EPS8: variants seen among roughly 807,000 people sequenced by gnomAD.
EPS8 encodes EGFR pathway substrate 8, signaling adaptor, also known as epidermal growth factor receptor kinase substrate 8.
Under a neutral mutation model 103.8 loss-of-function variants are expected in EPS8, and 42 were observed. The ratio of observed to expected loss-of-function variants is 0.40; its 90% CI spans 0.32 to 0.52. The LOEUF (loss-of-function observed/expected upper bound fraction) is 0.52, where lower values mean the gene tolerates loss of function less well. Among genes scored for constraint, EPS8 ranks in the 20% least tolerant of loss-of-function variants. The pLI is 0.40. For synonymous variants in EPS8, 344 were observed against 344.6 expected (o/e 1.00, Z 0.02); for missense variants, 969 against 1,005.1 (o/e 0.96, Z 0.49).
chr12:15,636,044 G>A (rs1945128541), intron 17 of EPS8, among the ~76,000 whole-genome samples: 1 of 152,154 alleles, frequency 6.6e-6, no homozygotes, highest in South Asian at 2.1e-4. Context: ...GGAGGAGGTG[G>A]TTTCTGCTCT....
intron 1 of EPS8, among the ~76,000 whole-genome samples, chr12:15,732,397 C>G (rs1463919213): frequency 6.6e-6 from 1 of 152,174 alleles, no homozygotes; most frequent in Non-Finnish European, 1.5e-5. Context: ...TTACATTATT[C>G]TGTGAACTTC....
At chr12:15,682,062 T>C (rs1415353958) in intron 2 of EPS8, among the ~76,000 whole-genome samples, 1 of 152,114 alleles carries the variant, frequency 6.6e-6, no homozygotes, top group Non-Finnish European at 1.5e-5. Flanking sequence ...AAGAAAACTT[T>C]ACTACCGCAT....
chr12:15,669,379 T>A lies in EPS8; in HGVS notation c.516+8A>T, dbSNP rs2135846839. ...AAAGAAGAAACAAAAATTTCACCATTCTTTTACCTTAACCTCATCACACTG... is the reference window on the plus strand; with the variant it reads ...AAAGAAGAAACAAAAATTTCACCATACTTTTACCTTAACCTCATCACACTG... On this transcript the variant is annotated splice_region_variant and intron_variant, in intron 6 of 20. Transcript: ENST00000281172. The A allele has an allele frequency of 6.3e-7, 1 of 1,590,390 alleles. No individual in the cohort carries two copies. Among genetic ancestry groups the A allele is most frequent in the East Asian group, 2.2e-5 (1 of 44,656 alleles).
Position 15,640,720 on chromosome 12 carries a change from A to C in EPS8, c.1804T>G (p.Tyr602Asp). ...ATGCTCACCTGTATAGTATGAGTAT[A>C]AGGTGGATCAGCACGCCCCAATCCA... ...ESGLGRADPP[Y>D]THTIQKQRME... The change falls in exon 17 of 21, where the codon TAT (tyrosine) becomes GAT (aspartate). Residue 602 changes from tyrosine to aspartate, a missense_variant. Coordinates refer to ENST00000281172, the MANE Select transcript of EPS8 (RefSeq NM_004447.6). 1 of 1,613,922 alleles carries C rather than the reference A, an allele frequency of 6.2e-7. No individual in the cohort carries two copies. Among genetic ancestry groups the C allele is most frequent in the South Asian group, 1.1e-5 (1 of 91,076 alleles).
Position 15,702,961 on chromosome 12 carries a change from C to T in EPS8, c.-21-19989G>A, listed in dbSNP as rs1946330506. Among the ~76,000 whole-genome samples the T allele has an allele frequency of 1.3e-5, 2 of 152,024 alleles. No individual in the cohort carries two copies. The highest frequency in any genetic ancestry group is 2.9e-5 in the Non-Finnish European group (2 of 67,994). ...GTCAGGAGATTGAGACCATCCTGGC[C>T]AACATAGTGAAACCCCATCTCCACT... On this transcript the variant is annotated intron_variant, in intron 1 of 20. Transcript: ENST00000281172. This position sits in a 1 kb window ranked among gnomAD's most constrained non-coding sequence, Gnocchi z 5.1.
chr12:15,712,506 A>C (rs1440942903), intron 1 of EPS8, among the ~76,000 whole-genome samples: 2 of 152,220 alleles, frequency 1.3e-5, no homozygotes, highest in African/African-American at 4.8e-5. Flanking sequence ...TATTATGCCC[A>C]TGGATTCCCA....
rs1947213556 is a variant in EPS8 at position 15,777,060 on chromosome 12, G to A, written c.-22+12101C>T. Among the ~76,000 whole-genome samples, 1 of 152,080 alleles carries A rather than the reference G, an allele frequency of 6.6e-6. No individual in the cohort carries two copies. The highest frequency in any genetic ancestry group is 2.1e-4 in the South Asian group (1 of 4,828). The stretch of plus-strand genomic sequence containing the variant: ...TATTCTACTAACTGCCTGGCAGAGA[G>A]AAAAGATGAAAATAGCTAGAGATAA... On this transcript the variant is annotated intron_variant, in intron 1 of 20. Coordinates refer to ENST00000281172, the MANE Select transcript of EPS8 (RefSeq NM_004447.6). This position sits in a 1 kb window ranked among gnomAD's most constrained non-coding sequence, Gnocchi z 4.7.
intron 1 of EPS8, among the ~76,000 whole-genome samples, chr12:15,756,611 T>C (rs1406926512): frequency 6.6e-6 from 1 of 152,174 alleles, no homozygotes; most frequent in Non-Finnish European, 1.5e-5. Flanking sequence ...GGACAATATA[T>C]TAGATACTAG....
intron 18 of EPS8, among the ~76,000 whole-genome samples, chr12:15,629,795 A>G (rs1945011929): frequency 6.6e-6 from 1 of 152,194 alleles, no homozygotes; most frequent in Non-Finnish European, 1.5e-5. Flanking sequence ...AGAATTGTTA[A>G]ATAGTAATAG....
In EPS8 at chr12:15,757,164, G is replaced by C. The variant is rs12228695; in HGVS notation, c.-22+31997C>G. Among the ~76,000 whole-genome samples the C allele has an allele frequency of 2.8e-3, 433 of 152,188 alleles. 5 individuals are homozygous for C. In the East Asian group the frequency reaches 0.031, roughly 11 times the overall value. ...TATTTATTAAATCAAGCTACAAAAT[G>C]GAGAGACTGAATAAAATGATTTCTA... is the stretch of plus-strand genomic sequence containing the variant. On this transcript the variant is annotated intron_variant, in intron 1 of 20. Transcript: ENST00000281172. This position sits in a 1 kb window ranked among gnomAD's most constrained non-coding sequence, Gnocchi z 4.1.
intron 8 of EPS8, 174 bp from the exon 9 acceptor site, chr12:15,662,273 C>A: frequency 8.4e-6 from 12 of 1,429,900 alleles, no homozygotes; most frequent in Non-Finnish European, 1.1e-5. Flanking sequence ...CTTGTCAATA[C>A]TAACAGGAGC....
rs191641318 is a variant in EPS8, at chr12:15,699,816, C to T, written c.-21-16844G>A. On this transcript the variant is annotated intron_variant, in intron 1 of 20. Transcript: ENST00000281172. ...ATGCCCTTTCCACTACTTTATACTT[C>T]CCATCTAGCAATTTCTCAATTCCTC... is the stretch of plus-strand genomic sequence containing the variant. Among the ~76,000 whole-genome samples the T allele has an allele frequency of 1.9e-3, 285 of 152,278 alleles. 5 individuals carry two copies. Among genetic ancestry groups the T allele is most frequent in the African/African-American group, 6.3e-3 (260 of 41,550 alleles).
chr12:15,783,836 T>A (rs1252807107), intron 1 of EPS8, among the ~76,000 whole-genome samples: 1 of 152,018 alleles, frequency 6.6e-6, no homozygotes, highest in East Asian at 1.9e-4. Flanking sequence ...CTGTTTACAG[T>A]AAGTAATTTT....
At chr12:15,672,231 A>T (rs1945829831) in intron 3 of EPS8, among the ~76,000 whole-genome samples, 1 of 152,182 alleles carries the variant, frequency 6.6e-6, no homozygotes, top group Admixed American at 6.5e-5. Context: ...ATATATACAT[A>T]TGCAGACTCA....
intron 1 of EPS8, among the ~76,000 whole-genome samples, chr12:15,729,786 G>C (rs370134893): frequency 4.6e-5 from 7 of 152,092 alleles, no homozygotes; most frequent in Admixed American, 4.6e-4. Flanking sequence ...CACAGAATGC[G>C]TGTATGATTT....
intron 1 of EPS8, among the ~76,000 whole-genome samples, chr12:15,710,838 AT>A (rs1476005641): frequency 6.6e-6 from 1 of 152,124 alleles, no homozygotes; most frequent in African/African-American, 2.4e-5. Context: ...TCTTCAAAAA[AT>A]ATTTATACAA....
In EPS8 at chr12:15,778,724, T is replaced by C. The variant is rs1387991194; in HGVS notation, c.-22+10437A>G. 6.6e-6 allele frequency among the ~76,000 whole-genome samples: 1 copy of C among 152,202 alleles called. No homozygotes were observed. The highest frequency in any genetic ancestry group is 1.5e-5 in the Non-Finnish European group (1 of 68,034). On this transcript the variant is annotated intron_variant, in intron 1 of 20. Coordinates refer to ENST00000281172, the MANE Select transcript of EPS8 (RefSeq NM_004447.6). This position sits in a 1 kb window ranked among gnomAD's most constrained non-coding sequence, Gnocchi z 4.5. ...CACACTGCAAAGAGAAATTGGAGAT[T>C]ATGTACGCATGCATATAAACATAAA...
chr12:15,671,755 T>G (rs1945822307), intron 3 of EPS8: 1 of 152,216 alleles, frequency 6.6e-6, no homozygotes, highest in South Asian at 2.1e-4. Context: ...TGCACAGGGG[T>G]CATGCTAATC....
rs1274627158 is a variant in EPS8 at position 15,688,993 on chromosome 12, T to C, written c.-21-6021A>G. Among the ~76,000 whole-genome samples, 1 of 152,198 alleles carries C rather than the reference T, an allele frequency of 6.6e-6. No homozygotes were observed. The highest frequency in any genetic ancestry group is 6.5e-5 in the Admixed American group (1 of 15,276). ...CAGTCTGCATGCTCCCCTAGAGGTC[T>C]GAGCAGCGGGGCACTGAAGAAACAA... is the stretch of plus-strand genomic sequence containing the variant. On this transcript the variant is annotated intron_variant, in intron 1 of 20. Coordinates refer to ENST00000281172, the MANE Select transcript of EPS8 (RefSeq NM_004447.6). This position sits in a 1 kb window ranked among gnomAD's most constrained non-coding sequence, Gnocchi z 5.1.
Sources: gnomAD v4.1 joint callset for allele counts (sites outside exome capture counted in the v4.1 genomes callset) on GRCh38, gnomAD v4.1.1 for gene constraint, Gnocchi (gnomAD v3.1) non-coding constraint, MANE v1.5 for transcripts, NCBI Gene and HGNC (gene_info 2026-07-23, HGNC 2026-07-21) for gene names.